ATP6V0A2: variants seen among roughly 807,000 people sequenced by gnomAD.
ATP6V0A2 encodes V-type proton ATPase 116 kDa subunit a 2.
Under a neutral mutation model 104.4 loss-of-function variants are expected in ATP6V0A2, and 58 were observed. That is an observed-to-expected ratio of 0.56 (90% confidence interval 0.45 to 0.69). The LOEUF (loss-of-function observed/expected upper bound fraction) is 0.69, where lower values mean the gene tolerates loss of function less well. Ranked by LOEUF, ATP6V0A2 falls within the 30% of genes least tolerant of loss-of-function variation. The probability of loss-of-function intolerance (pLI) is 0.00; values close to 1 mark genes in which losing one functional copy is unlikely to be tolerated. For synonymous variants in ATP6V0A2, 376 were observed against 397.9 expected (o/e 0.95, Z 0.65); for missense variants, 938 against 1,062.9 (o/e 0.88, Z 1.63).
intron 9 of ATP6V0A2, among the ~76,000 whole-genome samples, chr12:123,739,223 T>C (rs1482536103): frequency 1.3e-5 from 2 of 152,260 alleles, no homozygotes; most frequent in African/African-American, 2.4e-5. Flanking sequence ...ATAGCTGTTC[T>C]TTGCTCCGCT....
chr12:123,752,640 T>C (rs1169277062), intron 17 of ATP6V0A2, among the ~76,000 whole-genome samples: 2 of 152,220 alleles, frequency 1.3e-5, no homozygotes, highest in Admixed American at 6.5e-5. Flanking sequence ...TCTGCTGTTA[T>C]ATTAAGAGTT....
intron 7 of ATP6V0A2, among the ~76,000 whole-genome samples, chr12:123,734,399 G>T (rs1405955569): frequency 6.6e-6 from 1 of 152,188 alleles, no homozygotes; most frequent in African/African-American, 2.4e-5. Flanking sequence ...GGTGTGGCGT[G>T]TGGTGAGGAG....
At chr12:123,757,364 C>G (rs1224155491) in intron 19 of ATP6V0A2, among the ~76,000 whole-genome samples, 1 of 151,992 alleles carries the variant, frequency 6.6e-6, no homozygotes, top group Non-Finnish European at 1.5e-5. Flanking sequence ...TTGCTTGAAC[C>G]CAGCAGGCAG....
chr12:123,734,019 G>T lies in ATP6V0A2; in HGVS notation c.731+11G>T, dbSNP rs754200611. 4 of 1,600,312 alleles carry T rather than the reference G, an allele frequency of 2.5e-6. No individual in the cohort carries two copies. Among genetic ancestry groups the T allele is most frequent in the Non-Finnish European group, 2.6e-6 (3 of 1,168,354 alleles). Reference sequence around the variant, plus strand: ...GAAGATATGTGATTGGTAAGAAAAAGAAACATTTCATTTCATTTATGTCTT... The same window carrying T: ...GAAGATATGTGATTGGTAAGAAAAATAAACATTTCATTTCATTTATGTCTT... On this transcript the variant is annotated intron_variant, in intron 7 of 19. Transcript: ENST00000330342.
chr12:123,737,353 G>T, intron 9 of ATP6V0A2, 82 bp downstream of exon 9: 1 of 1,322,376 alleles, frequency 7.6e-7, no homozygotes, highest in Non-Finnish European at 1.1e-6. Flanking sequence ...AAGGAAGTGA[G>T]AATTTCATAG....
rs551494374 is a variant in ATP6V0A2 at position 123,724,657 on chromosome 12, C to G, written c.298C>G (p.Gln100Glu). Residue 100 changes from glutamine (Q) to glutamate (E), a missense_variant, in exon 4 of 20, where the codon CAG becomes GAG. By Grantham distance (29) the Gln-to-Glu change is conservative. Coordinates refer to ENST00000330342, the MANE Select transcript of ATP6V0A2 (RefSeq NM_012463.4). Reference protein sequence around the residue: ...PLKQVLEMQEQLQKLEVELRE... With the variant: ...PLKQVLEMQEELQKLEVELRE... The stretch of plus-strand genomic sequence containing the variant: ...AGTAACCATTGTTTTGTTTTAGGAG[C>G]AGTTGCAGAAGCTCGAGGTTGAACT... 1.5e-5 allele frequency: 25 copies of G among 1,613,488 alleles called. No homozygotes were observed. The South Asian group carries it at 2.4e-4, about 16-fold the overall frequency.
chr12:123,742,392 G>A (rs918698474), intron 9 of ATP6V0A2, among the ~76,000 whole-genome samples: 1 of 152,188 alleles, frequency 6.6e-6, no homozygotes, highest in Non-Finnish European at 1.5e-5. Context: ...TTTGGGGACT[G>A]TGGGGACGTG....
chr12:123,750,903 C>T, intron 15 of ATP6V0A2: 1 of 619,170 alleles, frequency 1.6e-6, no homozygotes, highest in Admixed American at 2.8e-5. Context: ...TACTTTACCA[C>T]AGGGTCATTA....
intron 1 of ATP6V0A2, among the ~76,000 whole-genome samples, chr12:123,715,580 T>C (rs999575608): frequency 2.0e-5 from 3 of 152,222 alleles, no homozygotes; most frequent in Non-Finnish European, 4.4e-5. Context: ...GGAATAAAGA[T>C]AAATTTCGTG....
intron 13 of ATP6V0A2, among the ~76,000 whole-genome samples, chr12:123,745,521 A>C (rs554047608): frequency 2.0e-5 from 3 of 152,096 alleles, no homozygotes; most frequent in Non-Finnish European, 4.4e-5. Flanking sequence ...CCTGGCTAAC[A>C]CGGTGAAACC....
At position 123,721,730 on chromosome 12, in the gene ATP6V0A2, A is replaced by G. The variant is rs1311646460; in HGVS notation, c.197-621A>G. On this transcript the variant is annotated intron_variant, in intron 2 of 19. Transcript: ENST00000330342. The stretch of plus-strand genomic sequence containing the variant: ...GCTTCTGAATCTAGTTTTTAACTTC[A>G]GTGGTGAAACAGTGCAGGTTGTCCT... 3.9e-5 allele frequency: 6 copies of G among 155,378 alleles called. 1 individual carries two copies. Among genetic ancestry groups the G allele is most frequent in the Non-Finnish European group, 1.4e-5 (1 of 69,800 alleles). 9.6% of individuals were successfully genotyped at this position (155,378 alleles called of 1,614,324 possible). A position where few individuals can be genotyped will look rare whatever the true frequency, so the allele number is the denominator to read the frequency against.
chr12:123,755,700 C>T (rs1051099627), intron 18 of ATP6V0A2, among the ~76,000 whole-genome samples: 1 of 150,506 alleles, frequency 6.6e-6, no homozygotes, highest in Non-Finnish European at 1.5e-5. Flanking sequence ...AAATAACAGA[C>T]AAAAGACTTT....
At chr12:123,712,942 C>G (rs931392860) in intron 1 of ATP6V0A2, among the ~76,000 whole-genome samples, 4 of 152,190 alleles carry the variant, frequency 2.6e-5, no homozygotes, top group African/African-American at 7.2e-5. Flanking sequence ...TTCATCAGCT[C>G]CGGGCACCGA....
At chr12:123,749,978 G>A (rs931962073) in intron 15 of ATP6V0A2, 8 of 152,112 alleles carry the variant, frequency 5.3e-5, no homozygotes, top group East Asian at 1.9e-4. Context: ...GCATATTTGC[G>A]TTCTTTTTGA....
intron 6 of ATP6V0A2, among the ~76,000 whole-genome samples, chr12:123,728,606 C>T (rs1184785287): frequency 6.6e-6 from 1 of 152,144 alleles, no homozygotes; most frequent in African/African-American, 2.4e-5. Context: ...GTGACCTTGA[C>T]ATTTTAAAAT....
intron 13 of ATP6V0A2, 117 bp from the exon 14 acceptor site, chr12:123,747,490 A>G: frequency 1.3e-6 from 1 of 778,262 alleles, no homozygotes; most frequent in Non-Finnish European, 2.3e-6. Context: ...AAAAGCCTGA[A>G]TATTGTTTCC....
In ATP6V0A2 at chr12:123,737,249, G is replaced by A. The variant is rs74922060; in HGVS notation, c.1016G>A (p.Arg339His). Residue 339 changes from arginine to histidine, a missense_variant, in exon 9 of 20, where the codon CGC (arginine) becomes CAC (histidine). Physicochemically the swap from Arg to His is conservative, Grantham distance 29 (BLOSUM62 0). Coordinates refer to ENST00000330342, the MANE Select transcript of ATP6V0A2 (RefSeq NM_012463.4). The stretch of plus-strand genomic sequence containing the variant: ...CCCGAGGCGGATCTGCAGGACCTGC[G>A]CCGGGCACTGGAGGAGGGCTCGGTA... ...WCPEADLQDL[R>H]RALEEGSRES... 6.7e-3 allele frequency: 10,775 copies of A among 1,614,096 alleles called. 243 individuals carry two copies. Among genetic ancestry groups the A allele is most frequent in the African/African-American group, 0.056 (4,209 of 75,016 alleles).
At chr12:123,742,178 C>A (rs1956616054) in intron 9 of ATP6V0A2, among the ~76,000 whole-genome samples, 1 of 152,254 alleles carries the variant, frequency 6.6e-6, no homozygotes, top group Non-Finnish European at 1.5e-5. Context: ...CCGTCGCCTA[C>A]TCTTGGACTG....
Position 123,758,126 on chromosome 12 carries a change from A to G in ATP6V0A2, c.*94A>G, listed in dbSNP as rs1956782361. The stretch of plus-strand genomic sequence containing the variant: ...TCAGATTTATGATAGGAAAAATTCC[A>G]TCTTCATTACTGCCTTATGACATAG... On this transcript the variant is annotated 3_prime_UTR_variant, in exon 20 of 20. Transcript: ENST00000330342. 3.4e-6 allele frequency: 3 copies of G among 885,720 alleles called. No homozygotes were observed. The highest frequency in any genetic ancestry group is 2.8e-5 in the South Asian group (2 of 72,208). The allele number at this position is 885,720 out of a possible 1,614,324, so 54.9% of individuals were successfully genotyped here.
Sources: allele counts gnomAD v4.1 joint callset (sites outside exome capture counted in the v4.1 genomes callset), GRCh38; gene constraint gnomAD v4.1.1; transcripts MANE v1.5; gene names NCBI Gene and HGNC (gene_info 2026-07-23, HGNC 2026-07-21).